Variants in NFATC4 observed in about 807,000 individuals in gnomAD.
NFATC4 encodes the protein nuclear factor of activated T-cells, cytoplasmic 4.
NFATC4 carries 25 observed loss-of-function variants against 73.4 expected under a neutral mutation model. That is an observed-to-expected ratio of 0.34 (90% confidence interval 0.25 to 0.48). The LOEUF (loss-of-function observed/expected upper bound fraction) is 0.48. NFATC4 is among the 20% of genes least tolerant of loss of function. NFATC4 has a pLI of 0.99. For synonymous variants in NFATC4, 523 were observed against 510.3 expected (o/e 1.02, Z -0.34); for missense variants, 1,130 against 1,203.7 (o/e 0.94, Z 0.91).
chr14:24,367,372 T>C, upstream of NFATC4: 2 of 1,535,988 alleles, frequency 1.3e-6, no homozygotes, highest in Non-Finnish European at 1.7e-6. Flanking sequence ...CATTCCAGAC[T>C]ACAGTTCTAG....
chr14:24,375,965 T>C lies in NFATC4; in HGVS notation c.1930-10T>C. On this transcript the variant is annotated splice_polypyrimidine_tract_variant and intron_variant, in intron 7 of 9. Coordinates refer to ENST00000250373, the MANE Select transcript of NFATC4 (RefSeq NM_004554.5). ...CGAGGGCTCCCTGCCTCATTTTTAC[T>C]CTTCCCTAGGTGACGCTGACCCTGA... 6.2e-7 allele frequency: 1 copy of C among 1,613,852 alleles called. No homozygotes were observed. The highest frequency in any genetic ancestry group is 1.3e-5 in the African/African-American group (1 of 75,024).
upstream of NFATC4, chr14:24,368,100 G>C: frequency 8.4e-7 from 1 of 1,191,758 alleles, no homozygotes; most frequent in Non-Finnish European, 1.0e-6. Flanking sequence ...GGAGGGGCTG[G>C]AGCATCCCCG....
At position 24,369,576 on chromosome 14, in the gene NFATC4, G is replaced by A. The variant is rs1347983695; in HGVS notation, c.178G>A (p.Gly60Ser). The A allele has an allele frequency of 1.2e-6, 2 of 1,612,366 alleles. No homozygotes were observed. Among genetic ancestry groups the A allele is most frequent in the South Asian group, 2.2e-5 (2 of 90,956 alleles). Residue 60 changes from glycine to serine, a missense_variant, in exon 2 of 10, where the codon GGT (glycine) becomes AGT (serine). By Grantham distance (56) the Gly-to-Ser change is moderately conservative (BLOSUM62 0). This residue lies in a region of NFATC4 where 585 missense variants were observed against 574.3 expected (regional missense o/e 1.02). Coordinates refer to ENST00000250373, the MANE Select transcript of NFATC4 (RefSeq NM_004554.5). ...EPPPYGAAPI[G>S]IPRPPPPRPG... is the part of the protein sequence containing the mutation. ...CCCTCCCTATGGCGCTGCACCTATCGGTATTCCCCGACCTCCACCCCCTCG... is the reference window on the plus strand; with the variant it reads ...CCCTCCCTATGGCGCTGCACCTATCAGTATTCCCCGACCTCCACCCCCTCG...
At chr14:24,369,398 G>T (rs1190275861) in intron 1 of NFATC4, 101 bp from the exon 2 acceptor site, 3 of 1,603,622 alleles carry the variant, frequency 1.9e-6, no homozygotes, top group Non-Finnish European at 2.5e-6. Context: ...GAGGGGCAGG[G>T]AGCATAGAAG....
rs2042676354 is a variant in NFATC4, at chr14:24,378,071, G to A, written c.*366G>A. 3.7e-6 allele frequency: 1 copy of A among 270,040 alleles called. No homozygotes were observed. Among genetic ancestry groups the A allele is most frequent in the Admixed American group, 4.6e-5 (1 of 21,858 alleles). The allele number at this position is 270,040 out of a possible 1,614,324, so 16.7% of individuals were successfully genotyped here. ...AATGACCAGTGCTTCAGGCTCCAGA[G>A]CTCTTTGGAGAGATGGGTTGGGGCA... On this transcript the variant is annotated 3_prime_UTR_variant, in exon 10 of 10. Transcript: ENST00000250373.
rs375252788 is a variant in NFATC4, at chr14:24,373,918, C to CTGTGTG, written c.1732+59_1732+64dup. 6.2e-7 allele frequency: 1 copy of CTGTGTG among 1,606,242 alleles called. No homozygotes were observed. Among genetic ancestry groups the CTGTGTG allele is most frequent in the Non-Finnish European group, 8.5e-7 (1 of 1,175,608 alleles). ...TCTCTGTCTCTTGCAACTCTTTTGTCTGTGTGTGTGTGTCTGTCTGCCCAT... is the reference window on the plus strand; with the variant it reads ...TCTCTGTCTCTTGCAACTCTTTTGTCTGTGTGTGTGTGTGTGTGTCTGTCTGCCCAT... On this transcript the variant is annotated intron_variant, in intron 5 of 9. Transcript: ENST00000250373. The surrounding 1 kb of genome is among the most constrained non-coding windows in gnomAD (Gnocchi z 4.7).
At position 24,376,188 on chromosome 14, in the gene NFATC4, G is replaced by C. The variant is rs750315382; in HGVS notation, c.2056+87G>C. 132 of 1,594,052 alleles carry C rather than the reference G, an allele frequency of 8.3e-5. No homozygotes were observed. The highest frequency in any genetic ancestry group is 1.1e-4 in the Non-Finnish European group (128 of 1,168,370). ...AGGGAAGCAGTACTCATCATGAGGG[G>C]CCAAGGGGTGAATGGAACCTGGGAG... is the stretch of plus-strand genomic sequence containing the variant. On this transcript the variant is annotated intron_variant, in intron 8 of 9. Coordinates refer to ENST00000250373, the MANE Select transcript of NFATC4 (RefSeq NM_004554.5). The surrounding 1 kb of genome is among the most constrained non-coding windows in gnomAD (Gnocchi z 5.0).
chr14:24,372,591 C>A lies in NFATC4; in HGVS notation c.1347C>A (p.His449Gln). 6.2e-7 allele frequency: 1 copy of A among 1,614,004 alleles called. No homozygotes were observed. The highest frequency in any genetic ancestry group is 8.5e-7 in the Non-Finnish European group (1 of 1,180,034). Residue 449 changes from histidine (H) to glutamine (Q), a missense_variant, in exon 3 of 10, where the codon CAC becomes CAA. Around this residue, in one of 3 missense-constraint regions of NFATC4, gnomAD observed 155 missense variants for 221.2 expected, o/e 0.70. Transcript: ENST00000250373. The stretch of plus-strand genomic sequence containing the variant: ...CTGTCAAAGCTGCCCCTGGCGGTCA[C>A]CCCGTAGTCAAGGTAAAGGACAGAC... ...RGAVKAAPGG[H>Q]PVVKLLGYSE...
rs749513336 is a variant in NFATC4, at chr14:24,369,542, G to T, written c.144G>T (p.Leu48Phe). The change falls in exon 2 of 10, where the codon TTG (leucine) becomes TTT (phenylalanine). Residue 48 changes from leucine to phenylalanine, a missense_variant. Around this residue, in one of 3 missense-constraint regions of NFATC4, gnomAD observed 585 missense variants for 574.3 expected, o/e 1.02. Transcript: ENST00000250373. Reference sequence around the variant, plus strand: ...CCCCGCCATGCTGCCGTCTGGCCTTGGGAGAGCCCCCTCCCTATGGCGCTG... The same window carrying T: ...CCCCGCCATGCTGCCGTCTGGCCTTTGGAGAGCCCCCTCCCTATGGCGCTG... ...EDAPPCCRLA[L>F]GEPPPYGAAP... The T allele has an allele frequency of 1.9e-6, 3 of 1,610,006 alleles. No homozygotes were observed. Among genetic ancestry groups the T allele is most frequent in the Non-Finnish European group, 1.7e-6 (2 of 1,177,288 alleles).
In NFATC4 at chr14:24,373,988, T is replaced by C. The variant is rs902102797; in HGVS notation, c.1732+121T>C. Reference sequence around the variant, plus strand: ...GCCCTGTCTGTCCTGGGTAGCTCTATAGAGGACTCAGCTTCTTTCTATTCT... The same window carrying C: ...GCCCTGTCTGTCCTGGGTAGCTCTACAGAGGACTCAGCTTCTTTCTATTCT... On this transcript the variant is annotated intron_variant, in intron 5 of 9. Coordinates refer to ENST00000250373, the MANE Select transcript of NFATC4 (RefSeq NM_004554.5). The surrounding 1 kb of genome is among the most constrained non-coding windows in gnomAD (Gnocchi z 4.7). 4.3e-6 allele frequency: 6 copies of C among 1,384,820 alleles called. No homozygotes were observed. Among genetic ancestry groups the C allele is most frequent in the East Asian group, 2.5e-5 (1 of 40,282 alleles). 85.8% of individuals were successfully genotyped at this position (1,384,820 alleles called of 1,614,324 possible).
At position 24,373,459 on chromosome 14, in the gene NFATC4, A is replaced by G; in HGVS notation, c.1559+89A>G. The G allele has an allele frequency of 6.7e-7, 1 of 1,482,538 alleles. No homozygotes were observed. Among genetic ancestry groups the G allele is most frequent in the African/African-American group, 1.4e-5 (1 of 72,166 alleles). 91.8% of individuals were successfully genotyped at this position (1,482,538 alleles called of 1,614,324 possible). The stretch of plus-strand genomic sequence containing the variant: ...TGCTAGCCCACTTCTTCCTTTTCCC[A>G]GAAGAGGTAGACATTTTTCCTAGGA... On this transcript the variant is annotated intron_variant, in intron 4 of 9. Transcript: ENST00000250373. The surrounding 1 kb of genome is among the most constrained non-coding windows in gnomAD (Gnocchi z 4.7).
chr14:24,377,623 G>T lies in NFATC4; in HGVS notation c.2642-15G>T. The T allele has an allele frequency of 6.2e-7, 1 of 1,614,094 alleles. No homozygotes were observed. Among genetic ancestry groups the T allele is most frequent in the Non-Finnish European group, 8.5e-7 (1 of 1,180,012 alleles). On this transcript the variant is annotated splice_polypyrimidine_tract_variant and intron_variant, in intron 9 of 9. Transcript: ENST00000250373. This position sits in a 1 kb window ranked among gnomAD's most constrained non-coding sequence, Gnocchi z 4.2. ...CCACCTCTAGCCCAGTCTCTCAACT[G>T]CCCCTCCTTTACAGTGAGTGAGATC...
intron 2 of NFATC4, 145 bp from the exon 3 acceptor site, chr14:24,372,296 C>G: frequency 3.5e-6 from 3 of 861,010 alleles, no homozygotes; most frequent in Non-Finnish European, 5.1e-6. Flanking sequence ...TTTTTCCCTT[C>G]TTTTCACAAG....
chr14:24,369,685 G>A lies in NFATC4; in HGVS notation c.287G>A (p.Gly96Glu), dbSNP rs200694133. The change falls in exon 2 of 10, where the codon GGA becomes GAA. Residue 96 changes from glycine (G) to glutamate (E), a missense_variant. By Grantham distance (98) the Gly-to-Glu change is moderately conservative. Around this residue, in one of 3 missense-constraint regions of NFATC4, gnomAD observed 585 missense variants for 574.3 expected, o/e 1.02. Transcript: ENST00000250373. Reference sequence around the variant, plus strand: ...CAGCCCGCCAGGTCGGTGAGGCTGGGAGGACCAGGAGGGGGTGCTGGGGGT... The same window carrying A: ...CAGCCCGCCAGGTCGGTGAGGCTGGAAGGACCAGGAGGGGGTGCTGGGGGT... ...ESQPARSVRL[G>E]GPGGGAGGAG... is the part of the protein sequence containing the mutation. The A allele has an allele frequency of 1.8e-3, 2,942 of 1,612,078 alleles. 2 individuals are homozygous for A. The highest frequency in any genetic ancestry group is 2.3e-3 in the Non-Finnish European group (2,676 of 1,178,934).
chr14:24,374,422 A>G lies in NFATC4; in HGVS notation c.1829A>G (p.Asn610Ser), dbSNP rs770475098. 3.1e-6 allele frequency: 5 copies of G among 1,613,998 alleles called. No individual in the cohort carries two copies. The highest frequency in any genetic ancestry group is 1.1e-5 in the South Asian group (1 of 91,076). ...GGEELVLTGS[N>S]FLPDSKVVFI... ...GAGGAACTGGTACTGACTGGCTCCAACTTCCTGCCAGACTCCAAGGTGGTG... is the reference window on the plus strand; with the variant it reads ...GAGGAACTGGTACTGACTGGCTCCAGCTTCCTGCCAGACTCCAAGGTGGTG... The change falls in exon 6 of 10, where the codon AAC becomes AGC. Residue 610 changes from asparagine to serine, a missense_variant. Transcript: ENST00000250373.
rs199766839 is a variant in NFATC4 at position 24,376,023 on chromosome 14, C to T, written c.1978C>T (p.Arg660Trp). The change falls in exon 8 of 10, where the codon CGG becomes TGG. Residue 660 changes from arginine to tryptophan, a missense_variant. By Grantham distance (101) the Arg-to-Trp change is moderately radical. Coordinates refer to ENST00000250373, the MANE Select transcript of NFATC4 (RefSeq NM_004554.5). The surrounding 1 kb of genome is among the most constrained non-coding windows in gnomAD (Gnocchi z 5.0). ...VPEYSNKRVSRPVQVYFYVSN... is the reference protein window; with the variant it reads ...VPEYSNKRVSWPVQVYFYVSN... ...CGAGTACAGCAACAAGAGGGTTTCC[C>T]GGCCAGTCCAGGTCTACTTTTATGT... 1.2e-5 allele frequency: 20 copies of T among 1,614,048 alleles called. No homozygotes were observed. The highest frequency in any genetic ancestry group is 3.3e-5 in the Admixed American group (2 of 60,014).
chr14:24,368,140 G>T (rs951819208), upstream of NFATC4: 59 of 1,129,754 alleles, frequency 5.2e-5, no homozygotes, highest in Admixed American at 1.5e-4. Context: ...CTGGGGGGGG[G>T]ACCGCTTTGA....
In NFATC4 at chr14:24,376,253, G is replaced by C; in HGVS notation, c.2057-41G>C. ...AAGGTGTGCAGTGGGGAGACTACCA[G>C]ACCTCTCACCAGCATGTCCTCCCAC... On this transcript the variant is annotated intron_variant, in intron 8 of 9. Transcript: ENST00000250373. This position sits in a 1 kb window ranked among gnomAD's most constrained non-coding sequence, Gnocchi z 5.0. 1 of 1,560,370 alleles carries C rather than the reference G, an allele frequency of 6.4e-7. No individual in the cohort carries two copies. Among genetic ancestry groups the C allele is most frequent in the Non-Finnish European group, 8.7e-7 (1 of 1,152,594 alleles).
At chr14:24,369,111 C>T (rs2042390279) in intron 1 of NFATC4, 1 of 1,434,034 alleles carries the variant, frequency 7.0e-7, no homozygotes, top group Admixed American at 2.8e-5. Flanking sequence ...GGGCTCCTGC[C>T]AGCGCCGTTT....
Sources: allele counts gnomAD v4.1 joint callset, GRCh38; gene constraint gnomAD v4.1.1; regional missense constraint gnomAD v4.1.1; non-coding constraint Gnocchi (gnomAD v3.1); transcripts MANE v1.5; gene names NCBI Gene and HGNC (gene_info 2026-07-23, HGNC 2026-07-21).